The following RASGRP1 variants were observed in gnomAD, a reference collection of about 807,000 sequenced individuals.
RASGRP1 encodes RAS guanyl releasing protein 1.
RASGRP1 carries 37 observed loss-of-function variants against 95.1 expected under a neutral mutation model. The ratio of observed to expected loss-of-function variants is 0.39; its 90% CI spans 0.30 to 0.51. The LOEUF (loss-of-function observed/expected upper bound fraction) is 0.51, where lower values mean the gene tolerates loss of function less well. Among genes scored for constraint, RASGRP1 ranks in the 20% least tolerant of loss-of-function variants. The pLI is 0.80. For synonymous variants in RASGRP1, 325 were observed against 353.4 expected (o/e 0.92, Z 0.90); for missense variants, 711 against 965.4 (o/e 0.74, Z 3.49).
chr15:38,553,682 T>C (rs1893426255), intron 2 of RASGRP1, among the ~76,000 whole-genome samples: 1 of 152,218 alleles, frequency 6.6e-6, no homozygotes, highest in Admixed American at 6.5e-5. Flanking sequence ...ACATTCTATT[T>C]ACACAGCCAA....
chr15:38,497,795 G>C (rs1246801751), intron 15 of RASGRP1, among the ~76,000 whole-genome samples: 1 of 152,124 alleles, frequency 6.6e-6, no homozygotes, highest in Non-Finnish European at 1.5e-5. Flanking sequence ...ACTGTTGTTT[G>C]CATTTTAATG....
rs767077425 is a variant in RASGRP1, at chr15:38,490,520, A to G, written c.*34T>C. On this transcript the variant is annotated 3_prime_UTR_variant, in exon 17 of 17. Transcript: ENST00000310803. ...ACAGTTTAGGAAATGAGATCACTATACTCATCTACAGATTGTGCTACTTAG... is the reference window on the plus strand; with the variant it reads ...ACAGTTTAGGAAATGAGATCACTATGCTCATCTACAGATTGTGCTACTTAG... 6.2e-7 allele frequency: 1 copy of G among 1,601,182 alleles called. No individual in the cohort carries two copies. Among genetic ancestry groups the G allele is most frequent in the South Asian group, 1.1e-5 (1 of 88,610 alleles).
In RASGRP1 at chr15:38,521,198, T is replaced by C. The variant is rs115853271; in HGVS notation, c.327-1827A>G. On this transcript the variant is annotated intron_variant, in intron 3 of 16. Transcript: ENST00000310803. ...AATGCATCACTTCAATGCAAAGAGA[T>C]TCAGGCAAAAGGCACATAGATAAAT... Among the ~76,000 whole-genome samples, 356 of 152,264 alleles carry C rather than the reference T, an allele frequency of 2.3e-3. 3 individuals carry two copies. Among genetic ancestry groups the C allele is most frequent in the African/African-American group, 8.3e-3 (346 of 41,558 alleles).
At chr15:38,559,774 A>G in intron 2 of RASGRP1, 47 bp downstream of exon 2, 1 of 1,553,348 alleles carries the variant, frequency 6.4e-7, no homozygotes, top group Non-Finnish European at 8.8e-7. Flanking sequence ...AAGGACGAAC[A>G]AAGTAATAGA....
At chr15:38,512,983 A>T (rs1566918710) in intron 6 of RASGRP1, 27 bp from the exon 7 acceptor site, 2 of 1,477,646 alleles carry the variant, frequency 1.4e-6, no homozygotes, top group Non-Finnish European at 9.0e-7. Context: ...AACAACAACA[A>T]AAAAAACCTA....
chr15:38,507,593 A>G (rs1891312981), intron 9 of RASGRP1, 133 bp downstream of exon 9: 12 of 1,013,514 alleles, frequency 1.2e-5, no homozygotes, highest in Admixed American at 2.7e-5. Context: ...CCCTAGCTAT[A>G]TGTTGGAGAT....
intron 6 of RASGRP1, among the ~76,000 whole-genome samples, chr15:38,514,469 G>C (rs1891680227): frequency 6.6e-6 from 1 of 151,804 alleles, no homozygotes; most frequent in African/African-American, 2.4e-5. Context: ...AATTATCCCA[G>C]TAACATCCTC....
At chr15:38,511,501 T>C in intron 8 of RASGRP1, 103 bp downstream of exon 8, 1 of 817,872 alleles carries the variant, frequency 1.2e-6, no homozygotes, top group South Asian at 1.6e-5. Context: ...TGACAAGGGA[T>C]GGTGTGGTTG....
intron 15 of RASGRP1, among the ~76,000 whole-genome samples, chr15:38,496,214 T>G (rs921716509): frequency 2.0e-4 from 31 of 152,180 alleles, no homozygotes; most frequent in African/African-American, 7.5e-4. Context: ...ATGGATGATA[T>G]CCAATAGTCA....
At chr15:38,529,507 C>T (rs1444383373) in intron 2 of RASGRP1, among the ~76,000 whole-genome samples, 1 of 152,234 alleles carries the variant, frequency 6.6e-6, no homozygotes, top group Non-Finnish European at 1.5e-5. Context: ...TTCAATGTCA[C>T]ATCCTCAGAG....
At chr15:38,492,090 C>T (rs1310377970) in intron 16 of RASGRP1, among the ~76,000 whole-genome samples, 2 of 152,124 alleles carry the variant, frequency 1.3e-5, no homozygotes, top group Non-Finnish European at 2.9e-5. Flanking sequence ...TCTATTCTAC[C>T]GAGTTCATTT....
At chr15:38,542,518 G>T in intron 2 of RASGRP1, among the ~76,000 whole-genome samples, 1 of 151,266 alleles carries the variant, frequency 6.6e-6, no homozygotes, top group Middle Eastern at 3.2e-3. Context: ...GTTCATCCTT[G>T]CCCTGGAGTA....
At chr15:38,539,074 C>CA (rs542436106) in intron 2 of RASGRP1, among the ~76,000 whole-genome samples, 19 of 152,142 alleles carry the variant, frequency 1.2e-4, no homozygotes, top group Non-Finnish European at 2.8e-4. Context: ...GGTGAGGAAA[C>CA]AGAGAGTAAG....
chr15:38,557,629 G>GTA lies in RASGRP1; in HGVS notation c.220+2190_220+2191dup, dbSNP rs1555405016. 6.9e-3 allele frequency among the ~76,000 whole-genome samples: 1,010 copies of GTA among 147,408 alleles called. 8 individuals are homozygous for GTA. The highest frequency in any genetic ancestry group is 0.037 in the Admixed American group (547 of 14,858). ...TGTGTGTGTGTGTGTGTGTGTGTGT[G>GTA]TATATATATATATATATTTCCTGAA... On this transcript the variant is annotated intron_variant, in intron 2 of 16. Coordinates refer to ENST00000310803, the MANE Select transcript of RASGRP1 (RefSeq NM_005739.4).
chr15:38,515,887 CAG>C (rs34032922), intron 6 of RASGRP1, among the ~76,000 whole-genome samples: 2,416 of 140,776 alleles, frequency 0.017, 42 homozygotes, highest in African/African-American at 0.048. Flanking sequence ...ATGAGAGAGA[CAG>C]AGAGAGAGAG....
intron 12 of RASGRP1, chr15:38,501,508 T>C: frequency 1.5e-6 from 1 of 682,910 alleles, no homozygotes; most frequent in Non-Finnish European, 2.6e-6. Context: ...CACAGAGGTG[T>C]TCTTTGGCCA....
At chr15:38,500,666 C>G (rs1246911647) in intron 13 of RASGRP1, among the ~76,000 whole-genome samples, 1 of 152,078 alleles carries the variant, frequency 6.6e-6, no homozygotes, top group Non-Finnish European at 1.5e-5. Flanking sequence ...GCCTTATGAC[C>G]CAGACATTCT....
In RASGRP1 at chr15:38,494,556, T is replaced by C. The variant is rs1890723769; in HGVS notation, c.2085A>G (p.Pro695=). Residue 695 remains proline (P), a synonymous_variant, in exon 16 of 17, where the codon CCA becomes CCG. Coordinates refer to ENST00000310803, the MANE Select transcript of RASGRP1 (RefSeq NM_005739.4). Reference sequence around the variant, plus strand: ...ATAGAGTATCCTGGGCTGTCTTCCTTGGGGAAGACAGCACAAAGGGACCTG... The same window carrying C: ...ATAGAGTATCCTGGGCTGTCTTCCTCGGGGAAGACAGCACAAAGGGACCTG... The part of the protein sequence containing the change: ...GPSGPFVLSS[P]RKTAQDTLYV... 6.3e-7 allele frequency: 1 copy of C among 1,579,716 alleles called. No homozygotes were observed. The highest frequency in any genetic ancestry group is 8.6e-7 in the Non-Finnish European group (1 of 1,162,416).
Position 38,490,573 on chromosome 15 carries a change from TC to T in RASGRP1, c.2374del (p.Glu792SerfsTer12). ...TCTGGGCTAAGAACAGTCACCCTGC[TC>T]CATTTGAGCTAAGACATGATTGCTT... The part of the protein sequence containing the change: ...EKSNHVLAQM[E>X]QGDCS On this transcript the variant is annotated frameshift_variant, in exon 17 of 17. Coordinates refer to ENST00000310803, the MANE Select transcript of RASGRP1 (RefSeq NM_005739.4). LOFTEE classifies it high-confidence loss of function. 6.2e-7 allele frequency: 1 copy of T among 1,613,268 alleles called. No individual in the cohort carries two copies. Among genetic ancestry groups the T allele is most frequent in the Non-Finnish European group, 8.5e-7 (1 of 1,179,486 alleles).
Sources: gnomAD v4.1 joint callset for allele counts (sites outside exome capture counted in the v4.1 genomes callset) on GRCh38, gnomAD v4.1.1 for gene constraint, MANE v1.5 for transcripts, NCBI Gene and HGNC (gene_info 2026-07-23, HGNC 2026-07-21) for gene names.